The following ZNF646 variants were observed in gnomAD, a reference collection of about 807,000 sequenced individuals.
ZNF646 encodes the protein zinc finger protein 646.
Under a neutral mutation model 115.4 loss-of-function variants are expected in ZNF646, and 49 were observed. That is an observed-to-expected ratio of 0.42 (90% CI 0.34 to 0.54). ZNF646 has a LOEUF of 0.54. Among genes scored for constraint, ZNF646 ranks in the 20% least tolerant of loss-of-function variants. The pLI, the probability that ZNF646 is intolerant of heterozygous loss-of-function variation, is 0.04. For missense variants in ZNF646, 2,269 were observed against 2,457.9 expected, an observed-to-expected ratio of 0.92 and a Z score of 1.62; for synonymous variants, 933 against 939.0, an observed-to-expected ratio of 0.99 and a Z score of 0.12.
Position 31,076,323 on chromosome 16 carries a change from C to G in ZNF646, c.-2C>G, listed in dbSNP as rs779682443. 2 of 1,603,938 alleles carry G rather than the reference C, an allele frequency of 1.2e-6. No individual in the cohort carries two copies. The highest frequency in any genetic ancestry group is 1.7e-6 in the Non-Finnish European group (2 of 1,173,254). ...ACCTCCAGGTTTCTGCTACGTTGCCCCATGGAGGACACACCCCCCTCACTC... is the reference window on the plus strand; with the variant it reads ...ACCTCCAGGTTTCTGCTACGTTGCCGCATGGAGGACACACCCCCCTCACTC... On this transcript the variant is annotated 5_prime_UTR_variant, in exon 2 of 3. Coordinates refer to ENST00000300850, the MANE Select transcript of ZNF646 (RefSeq NM_014699.4).
intron 2 of ZNF646, chr16:31,081,952 C>T (rs2143846653): frequency 3.5e-6 from 2 of 568,856 alleles, no homozygotes; most frequent in South Asian, 6.1e-5. Context: ...GAGGCTGCTA[C>T]CTGGGCTCCT....
Position 31,077,098 on chromosome 16 carries a change from C to G in ZNF646, c.774C>G (p.Arg258=), listed in dbSNP as rs756562932. 1.2e-6 allele frequency: 2 copies of G among 1,614,066 alleles called. No individual in the cohort carries two copies. Among genetic ancestry groups the G allele is most frequent in the Non-Finnish European group, 1.7e-6 (2 of 1,180,050 alleles). The change falls in exon 2 of 3, where the codon CGC becomes CGG. Residue 258 remains arginine (R), a synonymous_variant. Transcript: ENST00000300850. ...YKHAGSLTNH[R]QSHTLGIYPC... The stretch of plus-strand genomic sequence containing the variant: ...ACGCCGGGAGCCTCACCAACCACCG[C>G]CAGAGCCACACGCTGGGCATCTACC...
Position 31,083,171 on chromosome 16 carries a change from G to T in ZNF646, c.*79G>T. 6.5e-7 allele frequency: 1 copy of T among 1,530,800 alleles called. No individual in the cohort carries two copies. Among genetic ancestry groups the T allele is most frequent in the South Asian group, 1.3e-5 (1 of 78,546 alleles). 94.8% of individuals were successfully genotyped at this position (1,530,800 alleles called of 1,614,324 possible). A position where few individuals can be genotyped will look rare whatever the true frequency, so the allele number is the denominator to read the frequency against. Reference sequence around the variant, plus strand: ...GCTTGATCTCCACATTTTCTCAGGAGTAGTTCGGGCATCCCCATATCTTCT... The same window carrying T: ...GCTTGATCTCCACATTTTCTCAGGATTAGTTCGGGCATCCCCATATCTTCT... On this transcript the variant is annotated 3_prime_UTR_variant, in exon 3 of 3. Transcript: ENST00000300850.
chr16:31,079,141 G>A lies in ZNF646; in HGVS notation c.2817G>A (p.Glu939=), dbSNP rs957779087. The change falls in exon 2 of 3, where the codon GAG becomes GAA. Residue 939 remains glutamate (E), a synonymous_variant. Coordinates refer to ENST00000300850, the MANE Select transcript of ZNF646 (RefSeq NM_014699.4). The surrounding 1 kb of genome is among the most constrained non-coding windows in gnomAD (Gnocchi z 5.5). ...CACCACTGCAGCTCTCGGAAGCAGA[G>A]CTGCTGAATCAGCTGCAGCGGGAGG... The part of the protein sequence containing the change: ...RSPPLQLSEA[E]LLNQLQREVE... The A allele has an allele frequency of 1.2e-6, 2 of 1,607,400 alleles. No homozygotes were observed. Among genetic ancestry groups the A allele is most frequent in the South Asian group, 1.1e-5 (1 of 90,634 alleles).
In ZNF646 at chr16:31,079,871, G is replaced by C; in HGVS notation, c.3547G>C (p.Glu1183Gln). The change falls in exon 2 of 3, where the codon GAG becomes CAG. Residue 1183 changes from glutamate (E) to glutamine (Q), a missense_variant. Around this residue, in one of 5 missense-constraint regions of ZNF646, gnomAD observed 1,062 missense variants for 1,172.8 expected, o/e 0.91. Transcript: ENST00000300850. This position sits in a 1 kb window ranked among gnomAD's most constrained non-coding sequence, Gnocchi z 5.5. ...GACCACTGTGAAGGGGGAGGAGATA[G>C]AGCCCAGGCTGGAGACTGCCGAGAA... ...EETTVKGEEIEPRLETAEKGC... is the reference protein window; with the variant it reads ...EETTVKGEEIQPRLETAEKGC... 1 of 1,612,766 alleles carries C rather than the reference G, an allele frequency of 6.2e-7. No homozygotes were observed. The highest frequency in any genetic ancestry group is 1.3e-5 in the African/African-American group (1 of 74,980).
intron 2 of ZNF646, chr16:31,082,590 G>A (rs1176475578): frequency 1.2e-5 from 3 of 248,466 alleles, no homozygotes; most frequent in South Asian, 6.0e-5. Context: ...GGAGTGGGGC[G>A]GCCGGTTCCC....
Position 31,078,632 on chromosome 16 carries a change from G to A in ZNF646, c.2308G>A (p.Asp770Asn), listed in dbSNP as rs1444077383. The A allele has an allele frequency of 6.2e-7, 1 of 1,614,050 alleles. No homozygotes were observed. Among genetic ancestry groups the A allele is most frequent in the Non-Finnish European group, 8.5e-7 (1 of 1,180,010 alleles). Residue 770 changes from aspartate to asparagine, a missense_variant, in exon 2 of 3, where the codon GAC becomes AAC. Physicochemically the swap from Asp to Asn is conservative, Grantham distance 23 (BLOSUM62 1). Coordinates refer to ENST00000300850, the MANE Select transcript of ZNF646 (RefSeq NM_014699.4). ...GLERKDASLL[D>N]NLDIPGEEGG... ...GGAAAGGAAGGATGCCAGTTTACTTGACAACTTGGACATCCCAGGTGAGGA... is the reference window on the plus strand; with the variant it reads ...GGAAAGGAAGGATGCCAGTTTACTTAACAACTTGGACATCCCAGGTGAGGA...
At position 31,076,838 on chromosome 16, in the gene ZNF646, G is replaced by A. The variant is rs764169528; in HGVS notation, c.514G>A (p.Glu172Lys). Residue 172 changes from glutamate to lysine, a missense_variant, in exon 2 of 3, where the codon GAA becomes AAA. Physicochemically the swap from Glu to Lys is moderately conservative, Grantham distance 56 (BLOSUM62 1). This residue lies in a region of ZNF646 where 334 missense variants were observed against 323.5 expected (regional missense o/e 1.03). Transcript: ENST00000300850. ...GGAAGATCTGCCCACCAGACAAAGAGAAGGCTTGGCAAGCCACCCAGGTCC... is the reference window on the plus strand; with the variant it reads ...GGAAGATCTGCCCACCAGACAAAGAAAAGGCTTGGCAAGCCACCCAGGTCC... ...TWEDLPTRQR[E>K]GLASHPGPED... The A allele has an allele frequency of 6.2e-7, 1 of 1,614,146 alleles. No individual in the cohort carries two copies. The highest frequency in any genetic ancestry group is 1.1e-5 in the South Asian group (1 of 91,088).
Position 31,078,856 on chromosome 16 carries a change from A to C in ZNF646, c.2532A>C (p.Pro844=). 1 of 1,613,992 alleles carries C rather than the reference A, an allele frequency of 6.2e-7. No homozygotes were observed. The stretch of plus-strand genomic sequence containing the variant: ...TGCTGAGCCACAGGCCCTGCCACCC[A>C]CCAGGCATCTATCAGTGCTCCCTCT... ...TGLLSHRPCH[P]PGIYQCSLCP... is the part of the protein sequence containing the mutation. The change falls in exon 2 of 3, where the codon CCA becomes CCC. Residue 844 remains proline (P), a synonymous_variant. Transcript: ENST00000300850.
Position 31,083,243 on chromosome 16 carries a change from A to C in ZNF646, c.*151A>C. On this transcript the variant is annotated 3_prime_UTR_variant, in exon 3 of 3. Coordinates refer to ENST00000300850, the MANE Select transcript of ZNF646 (RefSeq NM_014699.4). Reference sequence around the variant, plus strand: ...CCCAGATCTGGCTTCTTTCCCAAGGAGGGGGTGGGGTGTTCCTCGCGTCCC... The same window carrying C: ...CCCAGATCTGGCTTCTTTCCCAAGGCGGGGGTGGGGTGTTCCTCGCGTCCC... 4 of 1,234,316 alleles carry C rather than the reference A, an allele frequency of 3.2e-6. No individual in the cohort carries two copies. Among genetic ancestry groups the C allele is most frequent in the African/African-American group, 1.6e-5 (1 of 64,318 alleles). 76.5% of individuals were successfully genotyped at this position (1,234,316 alleles called of 1,614,324 possible). A position where few individuals can be genotyped will look rare whatever the true frequency, so the allele number is the denominator to read the frequency against.
In ZNF646 at chr16:31,080,522, C is replaced by G. The variant is rs1318557479; in HGVS notation, c.4198C>G (p.Leu1400Val). 9.9e-6 allele frequency: 16 copies of G among 1,613,902 alleles called. No homozygotes were observed. The highest frequency in any genetic ancestry group is 1.3e-5 in the African/African-American group (1 of 74,946). ...EREPANGQGG[L>V]DGTAASEANL... ...GGAGCCAGCCAATGGCCAGGGAGGC[C>G]TGGATGGCACAGCGGCCAGTGAGGC... Residue 1400 changes from leucine to valine, a missense_variant, in exon 2 of 3, where the codon CTG becomes GTG. Leu to Val is a conservative substitution (Grantham distance 32). This residue lies in a region of ZNF646 where 1,062 missense variants were observed against 1,172.8 expected (regional missense o/e 0.91). Transcript: ENST00000300850.
Position 31,079,698 on chromosome 16 carries a change from T to C in ZNF646, c.3374T>C (p.Val1125Ala). ...GCAGCAGGTAGCAGTGAGCTGCAGG[T>C]TGGGCCCATCCCAGAAGGAGGCAGC... ...PEAAGSSELQ[V>A]GPIPEGGSNK... The change falls in exon 2 of 3, where the codon GTT (valine) becomes GCT (alanine). Residue 1125 changes from valine to alanine, a missense_variant. Physicochemically the swap from Val to Ala is moderately conservative, Grantham distance 64 (BLOSUM62 0). This residue lies in a region of ZNF646 where 1,062 missense variants were observed against 1,172.8 expected (regional missense o/e 0.91). Transcript: ENST00000300850. This position sits in a 1 kb window ranked among gnomAD's most constrained non-coding sequence, Gnocchi z 5.5. 1 of 1,613,438 alleles carries C rather than the reference T, an allele frequency of 6.2e-7. No homozygotes were observed. The highest frequency in any genetic ancestry group is 8.5e-7 in the Non-Finnish European group (1 of 1,179,954).
In ZNF646 at chr16:31,078,854, C is replaced by T. The variant is rs1278821268; in HGVS notation, c.2530C>T (p.Pro844Ser). Residue 844 changes from proline to serine, a missense_variant, in exon 2 of 3, where the codon CCA becomes TCA. By Grantham distance (74) the Pro-to-Ser change is moderately conservative. This residue lies in a region of ZNF646 where 852 missense variants were observed against 900.2 expected (regional missense o/e 0.95). Transcript: ENST00000300850. ...CCTGCTGAGCCACAGGCCCTGCCAC[C>T]CACCAGGCATCTATCAGTGCTCCCT... ...TGLLSHRPCH[P>S]PGIYQCSLCP... 2 of 1,614,044 alleles carry T rather than the reference C, an allele frequency of 1.2e-6. No individual in the cohort carries two copies. The highest frequency in any genetic ancestry group is 1.7e-6 in the Non-Finnish European group (2 of 1,180,046).
rs777300660 is a variant in ZNF646 at position 31,080,385 on chromosome 16, G to A, written c.4061G>A (p.Arg1354Gln). 1.4e-5 allele frequency: 22 copies of A among 1,613,072 alleles called. No homozygotes were observed. The highest frequency in any genetic ancestry group is 1.7e-4 in the Middle Eastern group (1 of 6,058). ...AGGCTGCACTCAGAGAATCGGCGGC[G>A]ACGGGCTGGACGGTCCAGGCGCACA... The part of the protein sequence containing the change: ...HQRLHSENRR[R>Q]RAGRSRRTAV... The change falls in exon 2 of 3, where the codon CGA (arginine) becomes CAA (glutamine). Residue 1354 changes from arginine to glutamine, a missense_variant. Physicochemically the swap from Arg to Gln is conservative, Grantham distance 43. Coordinates refer to ENST00000300850, the MANE Select transcript of ZNF646 (RefSeq NM_014699.4).
Position 31,083,710 on chromosome 16 carries a change from TGACAGGGTGGGGAG to T in ZNF646, c.*626_*639del. 8 of 1,611,182 alleles carry T rather than the reference TGACAGGGTGGGGAG, an allele frequency of 5.0e-6. No homozygotes were observed. Among genetic ancestry groups the T allele is most frequent in the Non-Finnish European group, 6.8e-6 (8 of 1,179,030 alleles). ...CTGCCCTGGTGCCTGGAATCACACA[TGACAGGGTGGGGAG>T]GACAGGGGCAGTAATGCCATTTGCC... On this transcript the variant is annotated 3_prime_UTR_variant, in exon 3 of 3. Coordinates refer to ENST00000300850, the MANE Select transcript of ZNF646 (RefSeq NM_014699.4).
In ZNF646 at chr16:31,082,962, T is replaced by A. The variant is rs1183196130; in HGVS notation, c.5378-9T>A. 6.3e-7 allele frequency: 1 copy of A among 1,574,966 alleles called. No individual in the cohort carries two copies. The highest frequency in any genetic ancestry group is 8.6e-7 in the Non-Finnish European group (1 of 1,159,640). On this transcript the variant is annotated splice_polypyrimidine_tract_variant and intron_variant, in intron 2 of 2. Coordinates refer to ENST00000300850, the MANE Select transcript of ZNF646 (RefSeq NM_014699.4). ...CTCAGTTGGTGACCTCCTCTCTCTCTCCCCCCAGGAGCCCCAGTGGCACCA... is the reference window on the plus strand; with the variant it reads ...CTCAGTTGGTGACCTCCTCTCTCTCACCCCCCAGGAGCCCCAGTGGCACCA...
chr16:31,078,644 A>G lies in ZNF646; in HGVS notation c.2320A>G (p.Ile774Val). 11 of 1,614,156 alleles carry G rather than the reference A, an allele frequency of 6.8e-6. No homozygotes were observed. Among genetic ancestry groups the G allele is most frequent in the Non-Finnish European group, 9.3e-6 (11 of 1,179,996 alleles). ...KDASLLDNLD[I>V]PGEEGGGTHF... ...TGCCAGTTTACTTGACAACTTGGAC[A>G]TCCCAGGTGAGGAAGGTGGTGGCAC... Residue 774 changes from isoleucine (I) to valine (V), a missense_variant, in exon 2 of 3, where the codon ATC becomes GTC. Around this residue, in one of 5 missense-constraint regions of ZNF646, gnomAD observed 852 missense variants for 900.2 expected, o/e 0.95. Coordinates refer to ENST00000300850, the MANE Select transcript of ZNF646 (RefSeq NM_014699.4).
Position 31,076,983 on chromosome 16 carries a change from A to G in ZNF646, c.659A>G (p.Asn220Ser). ...CAGTATCTGGCTGAATCAGTAGTGAACTTCACAGGGGGCCAGGAGCCCACC... is the reference window on the plus strand; with the variant it reads ...CAGTATCTGGCTGAATCAGTAGTGAGCTTCACAGGGGGCCAGGAGCCCACC... ...LEQYLAESVV[N>S]FTGGQEPTQS... is the part of the protein sequence containing the mutation. The change falls in exon 2 of 3, where the codon AAC (asparagine) becomes AGC (serine). Residue 220 changes from asparagine to serine, a missense_variant. Asn to Ser is a conservative substitution (Grantham distance 46). This residue lies in a region of ZNF646 where 334 missense variants were observed against 323.5 expected (regional missense o/e 1.03). Transcript: ENST00000300850. 1 of 1,614,040 alleles carries G rather than the reference A, an allele frequency of 6.2e-7. No individual in the cohort carries two copies. Among genetic ancestry groups the G allele is most frequent in the Non-Finnish European group, 8.5e-7 (1 of 1,179,958 alleles).
Position 31,080,776 on chromosome 16 carries a change from T to C in ZNF646, c.4452T>C (p.Thr1484=). The C allele has an allele frequency of 6.2e-7, 1 of 1,613,914 alleles. No individual in the cohort carries two copies. Among genetic ancestry groups the C allele is most frequent in the South Asian group, 1.1e-5 (1 of 91,086 alleles). The change falls in exon 2 of 3, where the codon ACT becomes ACC. Residue 1484 remains threonine (T), a synonymous_variant. Transcript: ENST00000300850. ...GAGGCTGGGTTCCTCAGTTCCTAAC[T>C]AGGTCAGAGGAGCCAGAGGACAGTG... is the stretch of plus-strand genomic sequence containing the variant. ...HSGGWVPQFL[T]RSEEPEDSVH... is the part of the protein sequence containing the mutation.
Sources: allele counts gnomAD v4.1 joint callset, GRCh38; gene constraint gnomAD v4.1.1; regional missense constraint gnomAD v4.1.1; non-coding constraint Gnocchi (gnomAD v3.1); transcripts MANE v1.5; gene names NCBI Gene and HGNC (gene_info 2026-07-23, HGNC 2026-07-21).